CR1: variants seen among roughly 807,000 people sequenced by gnomAD.
The protein encoded by CR1 is complement C3b/C4b receptor 1 (Knops blood group).
Under a neutral mutation model 187.3 loss-of-function variants are expected in CR1, and 116 were observed. The observed-to-expected ratio is 0.62, with a 90% confidence interval of 0.53 to 0.72. The LOEUF (loss-of-function observed/expected upper bound fraction) is 0.72, where lower values mean the gene tolerates loss of function less well. CR1 is among the 30% of genes least tolerant of loss of function. CR1 has a pLI of 0.00. For missense variants in CR1, 1,731 were observed against 2,110.7 expected (o/e 0.82, Z 3.52); for synonymous variants, 576 against 747.1 (o/e 0.77, Z 3.73).
At chr1:207,639,026 G>C (rs1662901835) in intron 46 of CR1, among the ~76,000 whole-genome samples, 1 of 152,218 alleles carries the variant, frequency 6.6e-6, no homozygotes, top group Admixed American at 6.5e-5. Context: ...AGGAACAAAG[G>C]GCTGAATTGG....
intron 3 of CR1, among the ~76,000 whole-genome samples, chr1:207,508,786 C>T (rs991186512): frequency 5.9e-5 from 9 of 152,082 alleles, no homozygotes; most frequent in African/African-American, 1.7e-4. Context: ...GATCACTACC[C>T]CTTTTCAGGG....
chr1:207,630,421 A>C, intron 45 of CR1, 96 bp from the exon 46 acceptor site: 1 of 740,434 alleles, frequency 1.4e-6, no homozygotes, highest in Non-Finnish European at 2.1e-6. Flanking sequence ...TAAGGCAAAT[A>C]ATACCTTAAA....
At chr1:207,583,323 C>T (rs1661017404) in intron 32 of CR1, among the ~76,000 whole-genome samples, 1 of 152,096 alleles carries the variant, frequency 6.6e-6, no homozygotes, top group African/African-American at 2.4e-5. Flanking sequence ...TTGGAGGTAA[C>T]AAGTGGAAGT....
At chr1:207,497,209 A>G (rs1427642781) in intron 1 of CR1, among the ~76,000 whole-genome samples, 2 of 152,242 alleles carry the variant, frequency 1.3e-5, no homozygotes, top group Non-Finnish European at 2.9e-5. Context: ...TACAGTTCGC[A>G]TTTTAGTGAT....
chr1:207,582,036 C>A (rs2102345886), intron 32 of CR1, 33 bp downstream of exon 32: 1 of 1,516,904 alleles, frequency 6.6e-7, no homozygotes, highest in South Asian at 1.2e-5. Flanking sequence ...CAGTCTGGAT[C>A]TTTCTGTTTT....
intron 39 of CR1, among the ~76,000 whole-genome samples, chr1:207,612,862 C>G (rs1396297119): frequency 5.3e-5 from 8 of 152,212 alleles, no homozygotes; most frequent in Non-Finnish European, 2.9e-5. Flanking sequence ...AACAGGGGTG[C>G]CCATGACCCC....
rs185134803 is a variant in CR1, at chr1:207,613,691, A to C, written c.6576-713A>C. ...GTCTGGAGGGATAACTAGATTGGGC[A>C]ATTAAGCAGTTATTTTTAATGATTT... On this transcript the variant is annotated intron_variant, in intron 39 of 46. Transcript: ENST00000367049. 4.6e-5 allele frequency among the ~76,000 whole-genome samples: 7 copies of C among 152,252 alleles called. No homozygotes were observed. In the East Asian group the frequency reaches 1.4e-3, roughly 29 times the overall value.
chr1:207,513,470 C>T (rs1204751681), intron 4 of CR1, among the ~76,000 whole-genome samples: 1 of 152,154 alleles, frequency 6.6e-6, no homozygotes, highest in Non-Finnish European at 1.5e-5. Flanking sequence ...GTCTTCTGAA[C>T]CCTCTACTCC....
At chr1:207,522,338 C>T (rs1403152077) in intron 4 of CR1, among the ~76,000 whole-genome samples, 1 of 152,216 alleles carries the variant, frequency 6.6e-6, no homozygotes, top group Non-Finnish European at 1.5e-5. Flanking sequence ...AATTTATTTT[C>T]AGTTAACCCT....
Position 207,575,605 on chromosome 1 carries a change from A to C in CR1, c.4462A>C (p.Ile1488Leu), listed in dbSNP as rs770792733. 2.5e-6 allele frequency: 4 copies of C among 1,611,832 alleles called. No individual in the cohort carries two copies. Among genetic ancestry groups the C allele is most frequent in the East Asian group, 2.2e-5 (1 of 44,882 alleles). ...NYSCTTGHRL[I>L]GHSSAECILS... ...ATTTTTTGCCTTTAGGCACCGACTC[A>C]TTGGTCACTCATCTGCTGAATGTAT... The change falls in exon 28 of 47, where the codon ATT becomes CTT. Residue 1488 changes from isoleucine (I) to leucine (L), a missense_variant. Physicochemically the swap from Ile to Leu is conservative, Grantham distance 5. Transcript: ENST00000367049.
chr1:207,611,605 T>C, intron 37 of CR1, 72 bp from the exon 38 acceptor site: 4 of 1,571,258 alleles, frequency 2.5e-6, no homozygotes, highest in Non-Finnish European at 3.5e-6. Flanking sequence ...TTAAGCCCTC[T>C]GGTAAGCATA....
intron 29 of CR1, among the ~76,000 whole-genome samples, chr1:207,578,880 T>C (rs1038939055): frequency 2.6e-5 from 4 of 152,216 alleles, no homozygotes; most frequent in African/African-American, 7.2e-5. Context: ...TTAAAAACTA[T>C]TTATTAGAGT....
chr1:207,500,154 G>A (rs1428305100), intron 1 of CR1, among the ~76,000 whole-genome samples: 1 of 152,164 alleles, frequency 6.6e-6, no homozygotes, highest in Non-Finnish European at 1.5e-5. Flanking sequence ...GACTCAATGT[G>A]ACTGTTTTTT....
intron 4 of CR1, among the ~76,000 whole-genome samples, chr1:207,519,150 TTTATA>T (rs1162451927): frequency 5.3e-5 from 8 of 152,162 alleles, no homozygotes; most frequent in Admixed American, 2.0e-4. Context: ...CTTTATTGTT[TTTATA>T]TTATATGTGT....
intron 4 of CR1, among the ~76,000 whole-genome samples, chr1:207,518,672 T>G (rs1281177171): frequency 1.3e-5 from 2 of 152,210 alleles, no homozygotes; most frequent in Non-Finnish European, 2.9e-5. Context: ...GGCTTGTAGA[T>G]GCATCATTTC....
At chr1:207,503,682 C>G (rs1659342724) in intron 1 of CR1, among the ~76,000 whole-genome samples, 4 of 152,188 alleles carry the variant, frequency 2.6e-5, no homozygotes, top group African/African-American at 9.6e-5. Context: ...CTGCCCATCT[C>G]AAGATTCTTA....
intron 27 of CR1, 125 bp from the exon 28 acceptor site, chr1:207,575,470 G>A (rs766255102): frequency 5.1e-6 from 6 of 1,184,596 alleles, no homozygotes; most frequent in Non-Finnish European, 7.5e-6. Flanking sequence ...GAAACAATAG[G>A]TAAAGTTTAG....
chr1:207,619,447 A>G (rs1662249823), intron 42 of CR1, among the ~76,000 whole-genome samples: 1 of 152,182 alleles, frequency 6.6e-6, no homozygotes, highest in Admixed American at 6.5e-5. Context: ...ATGATTTACT[A>G]ACTTCTTTGT....
At chr1:207,620,087 G>T in intron 43 of CR1, 22 bp downstream of exon 43, 1 of 1,597,988 alleles carries the variant, frequency 6.3e-7, no homozygotes, top group Non-Finnish European at 8.5e-7. Context: ...TGCAAGGAAT[G>T]TGGGATCTTC....
Sources: allele counts gnomAD v4.1 joint callset (sites outside exome capture counted in the v4.1 genomes callset), GRCh38; gene constraint gnomAD v4.1.1; transcripts MANE v1.5; gene names NCBI Gene and HGNC (gene_info 2026-07-23, HGNC 2026-07-21).